The following RMDN1 variants were observed in gnomAD, a reference collection of about 807,000 sequenced individuals.
RMDN1 encodes the protein regulator of microtubule dynamics 1.
RMDN1 carries 48 observed loss-of-function variants against 48.9 expected under a neutral mutation model. The observed-to-expected ratio is 0.98, with a 90% confidence interval of 0.78 to 1.25. RMDN1 has a LOEUF of 1.25. Ranked by LOEUF, RMDN1 falls within the 50% of genes most tolerant of loss-of-function variation. The pLI, the probability that RMDN1 is intolerant of heterozygous loss-of-function variation, is 0.00. For synonymous variants in RMDN1, 148 were observed against 132.6 expected, an observed-to-expected ratio of 1.12 and a Z score of -0.80; for missense variants, 418 against 373.4, an observed-to-expected ratio of 1.12 and a Z score of -0.98.
intron 2 of RMDN1, among the ~76,000 whole-genome samples, chr8:86,494,029 C>T (rs1272040905): frequency 6.6e-6 from 1 of 152,024 alleles, no homozygotes; most frequent in Non-Finnish European, 1.5e-5. Context: ...AGTAGAATGG[C>T]GGTTACCAGA....
intron 5 of RMDN1, among the ~76,000 whole-genome samples, chr8:86,484,313 CTG>C (rs1815086408): frequency 7.0e-6 from 1 of 142,840 alleles, no homozygotes; most frequent in Non-Finnish European, 1.6e-5. Context: ...ATCTTGGACA[CTG>C]TAGTCTCAGC....
rs372882080 is a variant in RMDN1 at position 86,504,040 on chromosome 8, G to A, written c.247+2955C>T. On this transcript the variant is annotated intron_variant, in intron 2 of 9. Transcript: ENST00000406452. The stretch of plus-strand genomic sequence containing the variant: ...AGCTACTGCCCTGCAGGGTACCTTT[G>A]GCACTCTCAACCAGCTGGGCATCAT... The A allele has an allele frequency of 1.1e-4, 91 of 807,164 alleles. No homozygotes were observed. The African/African-American group carries it at 1.3e-3, about 11-fold the overall frequency. 50.0% of individuals were successfully genotyped at this position (807,164 alleles called of 1,614,324 possible).
chr8:86,511,376 A>G (rs751181552), upstream of RMDN1, among the ~76,000 whole-genome samples: 1 of 151,872 alleles, frequency 6.6e-6, no homozygotes, highest in South Asian at 2.1e-4. Context: ...CAGGAGGCTG[A>G]GTCAGGAGAA....
chr8:86,505,881 C>T (rs1269786287), intron 2 of RMDN1, among the ~76,000 whole-genome samples: 1 of 149,038 alleles, frequency 6.7e-6, no homozygotes, highest in African/African-American at 2.5e-5. Context: ...TCTTAATTTC[C>T]CATAAAAGTC....
Position 86,479,028 on chromosome 8 carries a change from A to G in RMDN1, c.642-18T>C. The G allele has an allele frequency of 6.5e-7, 1 of 1,539,280 alleles. No homozygotes were observed. Among genetic ancestry groups the G allele is most frequent in the Non-Finnish European group, 9.0e-7 (1 of 1,113,390 alleles). ...TATAGCACCTACAGGGAAATAAAAC[A>G]ATTTTATACATTCAAATTGTACCTT... On this transcript the variant is annotated intron_variant, in intron 6 of 9. Coordinates refer to ENST00000406452, the MANE Select transcript of RMDN1 (RefSeq NM_016033.3).
downstream of RMDN1, among the ~76,000 whole-genome samples, chr8:86,469,859 T>C (rs1812397532): frequency 1.3e-5 from 2 of 152,240 alleles, no homozygotes; most frequent in Non-Finnish European, 2.9e-5. Flanking sequence ...ATAATAGTAG[T>C]TGTATTTACT....
At chr8:86,504,708 G>A (rs987017766) in intron 2 of RMDN1, 2 of 922,884 alleles carry the variant, frequency 2.2e-6, no homozygotes, top group Non-Finnish European at 3.6e-6. Flanking sequence ...TGTGGCCTTT[G>A]AAATTGGACC....
intron 1 of RMDN1, among the ~76,000 whole-genome samples, chr8:86,513,931 G>A (rs1257359397): frequency 6.6e-6 from 1 of 151,612 alleles, no homozygotes; most frequent in Non-Finnish European, 1.5e-5. Context: ...GCGCACTGCA[G>A]CCTGAGCCCG....
intron 5 of RMDN1, among the ~76,000 whole-genome samples, chr8:86,481,560 C>CTT (rs71275857): frequency 2.0e-4 from 21 of 104,464 alleles, no homozygotes; most frequent in South Asian, 3.4e-4. Flanking sequence ...ATTAATTTTC[C>CTT]TTTTTTTTTT....
At chr8:86,477,707 T>C (rs557016090) in intron 7 of RMDN1, among the ~76,000 whole-genome samples, 2 of 152,308 alleles carry the variant, frequency 1.3e-5, no homozygotes, top group Admixed American at 6.5e-5. Context: ...GTTGTACTAG[T>C]GAATTTTTAA....
At chr8:86,491,192 C>T (rs7818213) in intron 2 of RMDN1, among the ~76,000 whole-genome samples, 74,208 of 151,528 alleles carry the variant, frequency 0.49, 18,910 homozygotes, top group Admixed American at 0.61. Flanking sequence ...TGGAGTGCAG[C>T]GGCACTATGT....
chr8:86,508,826 A>G, upstream of RMDN1: 5 of 1,274,790 alleles, frequency 3.9e-6, no homozygotes, highest in East Asian at 3.2e-5. Context: ...ATTGGGTGGG[A>G]CTTAATGGAC....
intron 2 of RMDN1, among the ~76,000 whole-genome samples, chr8:86,498,182 A>G (rs1817669039): frequency 6.6e-6 from 1 of 152,134 alleles, no homozygotes; most frequent in African/African-American, 2.4e-5. Flanking sequence ...ATTCCTAGAA[A>G]CATCCCAAGA....
At position 86,473,496 on chromosome 8, in the gene RMDN1, T is replaced by G. The variant is rs1453973677; in HGVS notation, c.*812A>C. 2.0e-6 allele frequency: 2 copies of G among 984,572 alleles called. No homozygotes were observed. The highest frequency in any genetic ancestry group is 3.5e-5 in the African/African-American group (2 of 57,224). The allele number at this position is 984,572 out of a possible 1,614,324, so 61.0% of individuals were successfully genotyped here. A position where few individuals can be genotyped will look rare whatever the true frequency, so the allele number is the denominator to read the frequency against. Reference sequence around the variant, plus strand: ...TTTAAAGTAAACTGGCCAGGTGCGGTGGCTCACGCCTGTAATCCCAGCAAT... The same window carrying G: ...TTTAAAGTAAACTGGCCAGGTGCGGGGGCTCACGCCTGTAATCCCAGCAAT... On this transcript the variant is annotated 3_prime_UTR_variant, in exon 10 of 10. Coordinates refer to ENST00000406452, the MANE Select transcript of RMDN1 (RefSeq NM_016033.3).
At chr8:86,476,881 G>A (rs1024738740) in intron 8 of RMDN1, among the ~76,000 whole-genome samples, 4 of 151,776 alleles carry the variant, frequency 2.6e-5, no homozygotes, top group Admixed American at 2.0e-4. Flanking sequence ...TTTATTTTTT[G>A]GTAGAGATGA....
chr8:86,482,568 T>C, intron 5 of RMDN1: 2 of 742,550 alleles, frequency 2.7e-6, no homozygotes, highest in South Asian at 2.7e-5. Flanking sequence ...TCAAATTCAC[T>C]AAGAAGTTAA....
intron 2 of RMDN1, 88 bp from the exon 3 acceptor site, chr8:86,488,727 A>G: frequency 2.6e-6 from 2 of 759,136 alleles, no homozygotes; most frequent in South Asian, 4.8e-5. Flanking sequence ...AAACACTTTT[A>G]TATATAAGCA....
chr8:86,504,973 A>G, intron 2 of RMDN1: 1 of 1,433,066 alleles, frequency 7.0e-7, no homozygotes, highest in Non-Finnish European at 9.8e-7. Context: ...TGGGCCTTTA[A>G]AAGGCAGGCA....
chr8:86,482,093 A>G (rs1361198743), intron 5 of RMDN1: 2 of 588,310 alleles, frequency 3.4e-6, no homozygotes, highest in South Asian at 2.1e-5. Flanking sequence ...GCTCCTCTGG[A>G]CCTCGATCTT....
Sources: gnomAD v4.1 joint callset for allele counts (sites outside exome capture counted in the v4.1 genomes callset) on GRCh38, gnomAD v4.1.1 for gene constraint, MANE v1.5 for transcripts, NCBI Gene and HGNC (gene_info 2026-07-23, HGNC 2026-07-21) for gene names.